Variants in EPG5 observed in about 807,000 individuals in gnomAD.
The protein encoded by EPG5 is ectopic P granules protein 5 homolog.
Under a neutral mutation model 302.7 loss-of-function variants are expected in EPG5, and 159 were observed. The ratio of observed to expected loss-of-function variants is 0.53; its 90% CI spans 0.46 to 0.60. The LOEUF (loss-of-function observed/expected upper bound fraction) is 0.60. EPG5 is among the 20% of genes least tolerant of loss of function. The pLI is 0.00. For synonymous variants in EPG5, 1,158 were observed against 1,136.8 expected (o/e 1.02, Z -0.37); for missense variants, 2,896 against 3,092.4 (o/e 0.94, Z 1.51).
At chr18:45,822,403 G>A in the EPG5 span, among the ~76,000 whole-genome samples, 6 of 152,140 alleles carry the variant, frequency 3.9e-5, no homozygotes, top group African/African-American at 1.4e-4. Context: ...GGTAGGGAAA[G>A]GAGAGGATAG....
rs1055838375 is a variant in EPG5, at chr18:45,851,521, T to C, written c.*946A>G. The C allele has an allele frequency of 6.6e-6, 1 of 152,156 alleles. No homozygotes were observed. Among genetic ancestry groups the C allele is most frequent in the African/African-American group, 2.4e-5 (1 of 41,446 alleles). The allele number at this position is 152,156 out of a possible 1,614,324, so 9.4% of individuals were successfully genotyped here. ...CATTGGCTTCATCTGAGTTTGAAGT[T>C]AAAAAACAAGCAGGGAACAGAGAAT... On this transcript the variant is annotated 3_prime_UTR_variant, in exon 44 of 44. Coordinates refer to ENST00000282041, the MANE Select transcript of EPG5 (RefSeq NM_020964.3).
At chr18:45,941,647 A>G (rs994586884) in intron 9 of EPG5, among the ~76,000 whole-genome samples, 1 of 152,228 alleles carries the variant, frequency 6.6e-6, no homozygotes, top group Admixed American at 6.5e-5. Context: ...AATGATACCA[A>G]CGTCCTTCCT....
At chr18:45,960,043 G>C (rs1398020145) in intron 1 of EPG5, among the ~76,000 whole-genome samples, 1 of 152,132 alleles carries the variant, frequency 6.6e-6, no homozygotes, top group African/African-American at 2.4e-5. Flanking sequence ...CCAGCACTTT[G>C]GGAGGCAGGA....
At chr18:45,945,358 T>C (rs1487200663) in intron 7 of EPG5, among the ~76,000 whole-genome samples, 1 of 152,166 alleles carries the variant, frequency 6.6e-6, no homozygotes, top group Non-Finnish European at 1.5e-5. Context: ...GATTCTAGTA[T>C]ATAGCTAGTA....
At chr18:45,828,639 C>T in the EPG5 span, among the ~76,000 whole-genome samples, 3 of 152,216 alleles carry the variant, frequency 2.0e-5, no homozygotes, top group African/African-American at 7.2e-5. Context: ...AAGTGAGGCT[C>T]CTGGCCTCTG....
chr18:45,965,599 T>C (rs1012652171), intron 1 of EPG5, among the ~76,000 whole-genome samples: 1 of 152,222 alleles, frequency 6.6e-6, no homozygotes, highest in Admixed American at 6.5e-5. Flanking sequence ...CATGCTTAAA[T>C]TACACCTGCT....
chr18:45,808,093 G>A, the EPG5 span, among the ~76,000 whole-genome samples: 1 of 152,194 alleles, frequency 6.6e-6, no homozygotes, highest in Non-Finnish European at 1.5e-5. Context: ...GCTCTGGAAA[G>A]TCTCAGCAAT....
rs1259529009 is a variant in EPG5 at position 45,851,854 on chromosome 18, T to C, written c.*613A>G. On this transcript the variant is annotated 3_prime_UTR_variant, in exon 44 of 44. Coordinates refer to ENST00000282041, the MANE Select transcript of EPG5 (RefSeq NM_020964.3). The stretch of plus-strand genomic sequence containing the variant: ...GATACACGGCTGGATGGAAATTGAC[T>C]TGTCATCATCTCTACTGCCCACTAT... The C allele has an allele frequency of 2.0e-5, 3 of 152,272 alleles. No homozygotes were observed. Among genetic ancestry groups the C allele is most frequent in the African/African-American group, 7.2e-5 (3 of 41,464 alleles). 9.4% of individuals were successfully genotyped at this position (152,272 alleles called of 1,614,324 possible).
At chr18:45,815,194 G>A in the EPG5 span, among the ~76,000 whole-genome samples, 1 of 152,116 alleles carries the variant, frequency 6.6e-6, no homozygotes, top group Non-Finnish European at 1.5e-5. Context: ...ATATTTACGG[G>A]ACTAAATGAG....
chr18:45,867,689 G>C lies in EPG5; in HGVS notation c.6285C>G (p.Val2095=), dbSNP rs753103028. Reference sequence around the variant, plus strand: ...CATCAGAGAGCACACTAACCCAGTTGACTTCACAGAGTACAGACCCCAAAA... The same window carrying C: ...CATCAGAGAGCACACTAACCCAGTTCACTTCACAGAGTACAGACCCCAAAA... ...FLFLGSVLCE[V]NWVSVLSDAW... is the part of the protein sequence containing the mutation. The change falls in exon 37 of 44, where the codon GTC becomes GTG. Residue 2095 remains valine (V), a synonymous_variant. Coordinates refer to ENST00000282041, the MANE Select transcript of EPG5 (RefSeq NM_020964.3). 3 of 1,614,100 alleles carry C rather than the reference G, an allele frequency of 1.9e-6. No individual in the cohort carries two copies. The Admixed American group carries it at 5.0e-5, about 27-fold the overall frequency.
intron 13 of EPG5, among the ~76,000 whole-genome samples, chr18:45,926,816 G>GA (rs67892830): frequency 0.99 from 141,177 of 142,630 alleles, 69,876 homozygotes; most frequent in Middle Eastern, 1. Context: ...TGTCTTGGGA[G>GA]AAAAAAAAAA....
At chr18:45,933,665 T>C (rs2050449071) in intron 11 of EPG5, among the ~76,000 whole-genome samples, 1 of 132,838 alleles carries the variant, frequency 7.5e-6, no homozygotes, top group Non-Finnish European at 1.8e-5. Flanking sequence ...GCAATGCTCA[T>C]TCTCAAAAAA....
At chr18:45,831,357 G>A in the EPG5 span, among the ~76,000 whole-genome samples, 1 of 152,200 alleles carries the variant, frequency 6.6e-6, no homozygotes, top group African/African-American at 2.4e-5. Flanking sequence ...CTCATTGAAT[G>A]TCAACTCTCA....
the EPG5 span, among the ~76,000 whole-genome samples, chr18:45,824,293 G>A: frequency 1.3e-5 from 2 of 152,162 alleles, no homozygotes; most frequent in Non-Finnish European, 2.9e-5. Flanking sequence ...TGCAAGCTCC[G>A]CCTCCTGGCT....
chr18:45,879,897 CAG>C (rs369963402), intron 32 of EPG5, among the ~76,000 whole-genome samples, 176 bp downstream of exon 32: 33 of 152,194 alleles, frequency 2.2e-4, no homozygotes, highest in African/African-American at 7.5e-4. Flanking sequence ...GAATTAGACT[CAG>C]GGGAATGGGG....
At chr18:45,816,750 G>T in the EPG5 span, among the ~76,000 whole-genome samples, 1 of 152,186 alleles carries the variant, frequency 6.6e-6, no homozygotes, top group South Asian at 2.1e-4. Context: ...AATTGAGCTA[G>T]CAATCCCACT....
chr18:45,892,258 T>C (rs1489505817), intron 27 of EPG5, among the ~76,000 whole-genome samples: 1 of 152,226 alleles, frequency 6.6e-6, no homozygotes, highest in East Asian at 1.9e-4. Flanking sequence ...TTATTTTTGT[T>C]TATTGTTCCC....
In EPG5 at chr18:45,884,755, C is replaced by G; in HGVS notation, c.5166G>C (p.Lys1722Asn). ...ECRKVLETIL[K>N]NSRLCSLLSP... is the part of the protein sequence containing the mutation. ...ACAGCAGGGAGCAGAGCCTGCTGTT[C>G]TTCAGAATGGTTTCAAGTACTTTTC... is the stretch of plus-strand genomic sequence containing the variant. The change falls in exon 30 of 44, where the codon AAG (lysine) becomes AAC (asparagine). Residue 1722 changes from lysine to asparagine, a missense_variant. By Grantham distance (94) the Lys-to-Asn change is moderately conservative. Around this residue, in one of 5 missense-constraint regions of EPG5, gnomAD observed 790 missense variants for 798.0 expected, o/e 0.99. Transcript: ENST00000282041. 1.3e-6 allele frequency: 2 copies of G among 1,597,150 alleles called. No homozygotes were observed. The highest frequency in any genetic ancestry group is 1.7e-6 in the Non-Finnish European group (2 of 1,174,556).
rs749123170 is a variant in EPG5, at chr18:45,954,791, T to G, written c.611A>C (p.Lys204Thr). 1.2e-6 allele frequency: 2 copies of G among 1,613,980 alleles called. No homozygotes were observed. The highest frequency in any genetic ancestry group is 4.5e-5 in the East Asian group (2 of 44,886). The change falls in exon 2 of 44, where the codon AAA (lysine) becomes ACA (threonine). Residue 204 changes from lysine to threonine, a missense_variant. Around this residue, in one of 5 missense-constraint regions of EPG5, gnomAD observed 1,390 missense variants for 1,430.0 expected, o/e 0.97. Transcript: ENST00000282041. ...NVGLQSSCPA[K>T]HGFQTPRVKK... ...CACTCTAGGTGTCTGAAAACCATGT[T>G]TGGCTGGGCAAGAACTCTGCAAGCC...
Sources: allele counts gnomAD v4.1 joint callset (sites outside exome capture counted in the v4.1 genomes callset), GRCh38; gene constraint gnomAD v4.1.1; regional missense constraint gnomAD v4.1.1; transcripts MANE v1.5; gene names NCBI Gene and HGNC (gene_info 2026-07-23, HGNC 2026-07-21).